The following PDE3B variants were observed in gnomAD, a reference collection of about 807,000 sequenced individuals.
PDE3B encodes phosphodiesterase 3B.
PDE3B carries 66 observed loss-of-function variants against 116.8 expected under a neutral mutation model. The observed-to-expected ratio is 0.56, with a 90% CI of 0.46 to 0.69. The LOEUF is 0.69. Among genes scored for constraint, PDE3B ranks in the 30% least tolerant of loss-of-function variants. PDE3B has a pLI of 0.00. For synonymous variants in PDE3B, 595 were observed against 533.6 expected, an observed-to-expected ratio of 1.12 and a Z score of -1.59; for missense variants, 1,384 against 1,368.1, an observed-to-expected ratio of 1.01 and a Z score of -0.18.
At chr11:14,885,751 A>T in the PDE3B span, 1 of 1,609,012 alleles carries the variant, frequency 6.2e-7, no homozygotes, top group Non-Finnish European at 8.5e-7. Flanking sequence ...TTAGTAAATC[A>T]CTAAATAGGT....
intron 4 of PDE3B, among the ~76,000 whole-genome samples, chr11:14,791,361 G>A (rs1858384118): frequency 6.6e-6 from 1 of 152,020 alleles, no homozygotes; most frequent in Non-Finnish European, 1.5e-5. Flanking sequence ...CATTTCCTGA[G>A]CCTATGCCTG....
intron 7 of PDE3B, among the ~76,000 whole-genome samples, chr11:14,827,256 C>G (rs1859724517): frequency 6.6e-6 from 1 of 152,096 alleles, no homozygotes; most frequent in Admixed American, 6.5e-5. Flanking sequence ...TGAAAACGGG[C>G]ACAAGACAAG....
At chr11:14,849,105 A>G (rs1448581579) in intron 12 of PDE3B, among the ~76,000 whole-genome samples, 2 of 152,108 alleles carry the variant, frequency 1.3e-5, no homozygotes, top group South Asian at 2.1e-4. Flanking sequence ...GGCTACACTA[A>G]CCAAAACAGC....
chr11:14,732,270 G>T (rs1036982512), intron 1 of PDE3B, among the ~76,000 whole-genome samples: 1 of 152,120 alleles, frequency 6.6e-6, no homozygotes, highest in East Asian at 1.9e-4. Flanking sequence ...AAAAGCATAC[G>T]AAAGCAAGTG....
intron 1 of PDE3B, among the ~76,000 whole-genome samples, chr11:14,664,335 C>G (rs1417784846): frequency 1.3e-5 from 2 of 151,644 alleles, no homozygotes; most frequent in African/African-American, 4.9e-5. Flanking sequence ...AAATTGACAC[C>G]CTAATATCAC....
chr11:14,723,839 G>A (rs1327459014), intron 1 of PDE3B, among the ~76,000 whole-genome samples: 1 of 152,096 alleles, frequency 6.6e-6, no homozygotes, highest in Non-Finnish European at 1.5e-5. Flanking sequence ...TGAAAGAAGG[G>A]CAACAAGGTT....
At chr11:14,679,161 G>A (rs1241059477) in intron 1 of PDE3B, among the ~76,000 whole-genome samples, 1 of 151,884 alleles carries the variant, frequency 6.6e-6, no homozygotes, top group Non-Finnish European at 1.5e-5. Context: ...AGAAAATTGT[G>A]TAGTGTGAAT....
At chr11:14,699,870 T>C (rs1260333922) in intron 1 of PDE3B, among the ~76,000 whole-genome samples, 1 of 151,812 alleles carries the variant, frequency 6.6e-6, no homozygotes, top group African/African-American at 2.4e-5. Context: ...TGTTAATAAA[T>C]TTTAGAGCTA....
At chr11:14,723,171 T>C (rs970925973) in intron 1 of PDE3B, among the ~76,000 whole-genome samples, 1 of 152,198 alleles carries the variant, frequency 6.6e-6, no homozygotes, top group East Asian at 1.9e-4. Context: ...CAGAATTGTA[T>C]TGAGTACTTC....
At chr11:14,693,767 A>G (rs540858907) in intron 1 of PDE3B, among the ~76,000 whole-genome samples, 49 of 152,322 alleles carry the variant, frequency 3.2e-4, no homozygotes, top group African/African-American at 1.2e-3. Flanking sequence ...CATGCCTGCA[A>G]ACATAACATC....
intron 1 of PDE3B, among the ~76,000 whole-genome samples, chr11:14,741,460 A>G (rs1227210216): frequency 6.6e-6 from 1 of 151,904 alleles, no homozygotes; most frequent in Admixed American, 6.6e-5. Context: ...ATATTCTGCT[A>G]TCTTTTTTTG....
intron 1 of PDE3B, among the ~76,000 whole-genome samples, chr11:14,729,090 C>T (rs1856391167): frequency 6.6e-6 from 1 of 152,114 alleles, no homozygotes; most frequent in African/African-American, 2.4e-5. Context: ...ACTACCTCTG[C>T]TATAGTTTTC....
intron 11 of PDE3B, among the ~76,000 whole-genome samples, chr11:14,839,419 A>G (rs1672643649): frequency 6.6e-6 from 1 of 152,226 alleles, no homozygotes; most frequent in Admixed American, 6.5e-5. Context: ...GGTGATTTCC[A>G]TCACATTGCT....
At chr11:14,735,135 A>G (rs887885358) in intron 1 of PDE3B, among the ~76,000 whole-genome samples, 10 of 152,224 alleles carry the variant, frequency 6.6e-5, no homozygotes, top group African/African-American at 2.2e-4. Flanking sequence ...GTATAAATGT[A>G]TATCGATCAT....
the PDE3B span, chr11:14,878,978 C>T: frequency 1.2e-5 from 9 of 731,900 alleles, no homozygotes; most frequent in Non-Finnish European, 2.1e-5. Flanking sequence ...ATCATTCTCT[C>T]CTGTTAGAAT....
Position 14,856,783 on chromosome 11 carries a change from G to A in PDE3B, c.2521-2260G>A, listed in dbSNP as rs541392711. On this transcript the variant is annotated intron_variant, in intron 12 of 15. Coordinates refer to ENST00000282096, the MANE Select transcript of PDE3B (RefSeq NM_000922.4). ...GCAGGAGAACGGCTTGAACCCAGGA[G>A]GCAGAGCTTGCAGTGAGCTGAGATC... 4.0e-5 allele frequency among the ~76,000 whole-genome samples: 6 copies of A among 151,898 alleles called. No homozygotes were observed. The East Asian group carries it at 1.2e-3, about 30-fold the overall frequency.
At chr11:14,741,119 G>C (rs1324468943) in intron 1 of PDE3B, among the ~76,000 whole-genome samples, 3 of 152,088 alleles carry the variant, frequency 2.0e-5, no homozygotes, top group African/African-American at 7.3e-5. Context: ...TATTAGGTCT[G>C]CTTGGTCCAG....
In PDE3B at chr11:14,861,347, T is replaced by C. The variant is rs753633739; in HGVS notation, c.2867T>C (p.Val956Ala). Reference sequence around the variant, plus strand: ...CATTTGAAATGGACAGAAGGCATTGTCAATGAATTTTATGAGCAGGTAAGT... The same window carrying C: ...CATTTGAAATGGACAGAAGGCATTGCCAATGAATTTTATGAGCAGGTAAGT... The part of the protein sequence containing the change: ...DLHLKWTEGI[V>A]NEFYEQGDEE... Residue 956 changes from valine to alanine, a missense_variant, in exon 14 of 16, where the codon GTC becomes GCC. By Grantham distance (64) the Val-to-Ala change is moderately conservative. Coordinates refer to ENST00000282096, the MANE Select transcript of PDE3B (RefSeq NM_000922.4). The C allele has an allele frequency of 3.7e-6, 6 of 1,613,494 alleles. No individual in the cohort carries two copies. The highest frequency in any genetic ancestry group is 1.3e-5 in the African/African-American group (1 of 74,898).
intron 12 of PDE3B, among the ~76,000 whole-genome samples, chr11:14,844,686 C>T (rs1303741931): frequency 1.3e-5 from 2 of 152,248 alleles, no homozygotes; most frequent in East Asian, 3.8e-4. Flanking sequence ...GAGATTACAT[C>T]CCGCACCTGG....
Sources: allele counts gnomAD v4.1 joint callset (sites outside exome capture counted in the v4.1 genomes callset), GRCh38; gene constraint gnomAD v4.1.1; transcripts MANE v1.5; gene names NCBI Gene and HGNC (gene_info 2026-07-23, HGNC 2026-07-21).